The following AKAIN1 variants were observed in gnomAD, a reference collection of about 807,000 sequenced individuals.
AKAIN1 encodes A-kinase anchor inhibitor 1.
A neutral mutation model predicts 3.7 loss-of-function variants in AKAIN1; 3 were observed. The observed-to-expected ratio is 0.82, with a 90% CI of 0.37 to 2.12. AKAIN1 has a LOEUF of 2.12. AKAIN1 is among the 30% of genes most tolerant of loss of function. The probability of loss-of-function intolerance (pLI) is 0.06; values close to 1 mark genes in which losing one functional copy is unlikely to be tolerated. For missense variants in AKAIN1, 82 were observed against 82.7 expected (o/e 0.99, Z 0.03); for synonymous variants, 31 against 30.8 (o/e 1.01, Z -0.02).
At chr18:5,149,215 C>A (rs552136397) in intron 1 of AKAIN1, among the ~76,000 whole-genome samples, 1 of 152,152 alleles carries the variant, frequency 6.6e-6, no homozygotes, top group South Asian at 2.1e-4. Context: ...AAGAGAGCAG[C>A]GAAGCCTGGA....
intron 1 of AKAIN1, among the ~76,000 whole-genome samples, chr18:5,186,064 C>T (rs1310862276): frequency 2.0e-5 from 3 of 152,066 alleles, no homozygotes; most frequent in East Asian, 1.9e-4. Flanking sequence ...GGAGCTGGAG[C>T]TCCATAGATG....
intron 1 of AKAIN1, among the ~76,000 whole-genome samples, chr18:5,175,385 A>T (rs2071220475): frequency 6.6e-6 from 1 of 152,176 alleles, no homozygotes; most frequent in Non-Finnish European, 1.5e-5. Flanking sequence ...CTTGCTTAGA[A>T]CACGAAAAGA....
At chr18:5,187,141 G>A (rs1486378447) in intron 1 of AKAIN1, among the ~76,000 whole-genome samples, 1 of 151,462 alleles carries the variant, frequency 6.6e-6, no homozygotes, top group Non-Finnish European at 1.5e-5. Context: ...AAAAACAAGA[G>A]CAAAACAAAG....
chr18:5,162,033 T>C (rs1353305181), intron 1 of AKAIN1, among the ~76,000 whole-genome samples: 1 of 152,156 alleles, frequency 6.6e-6, no homozygotes, highest in Non-Finnish European at 1.5e-5. Context: ...ATTGATACTG[T>C]AATGGATACT....
chr18:5,157,840 A>G (rs1165590405), intron 1 of AKAIN1, among the ~76,000 whole-genome samples: 1 of 152,026 alleles, frequency 6.6e-6, no homozygotes, highest in Non-Finnish European at 1.5e-5. Context: ...GCATGCTACG[A>G]CCACCAGCTA....
At chr18:5,177,150 C>G (rs1351963988) in intron 1 of AKAIN1, among the ~76,000 whole-genome samples, 1 of 151,944 alleles carries the variant, frequency 6.6e-6, no homozygotes, top group Non-Finnish European at 1.5e-5. Context: ...GCAAAGTGAG[C>G]CTTCAATTAA....
At position 5,144,382 on chromosome 18, in the gene AKAIN1, CTT is replaced by C. The variant is rs2143298593; in HGVS notation, c.*1178_*1179del. On this transcript the variant is annotated 3_prime_UTR_variant, in exon 2 of 2. Coordinates refer to ENST00000434239, the MANE Select transcript of AKAIN1 (RefSeq NM_001145194.2). ...GTCCCCAATAGCACCAATTCAATAA[CTT>C]TTGTGAAGCCCAGGAAATGGGACTG... 6.6e-6 allele frequency among the ~76,000 whole-genome samples: 1 copy of C among 152,298 alleles called. No individual in the cohort carries two copies. The highest frequency in any genetic ancestry group is 6.5e-5 in the Admixed American group (1 of 15,298).
intron 1 of AKAIN1, among the ~76,000 whole-genome samples, chr18:5,178,795 G>A (rs750892014): frequency 2.0e-5 from 3 of 152,084 alleles, no homozygotes; most frequent in Non-Finnish European, 4.4e-5. Flanking sequence ...TATTTTACCA[G>A]CCTGGGTGGT....
chr18:5,165,891 G>A (rs2071165242), intron 1 of AKAIN1, among the ~76,000 whole-genome samples: 1 of 151,984 alleles, frequency 6.6e-6, no homozygotes, highest in Non-Finnish European at 1.5e-5. Flanking sequence ...ACCCACACTG[G>A]GCTGAGAATA....
chr18:5,170,052 T>C (rs1187760412), intron 1 of AKAIN1, among the ~76,000 whole-genome samples: 1 of 152,180 alleles, frequency 6.6e-6, no homozygotes, highest in Non-Finnish European at 1.5e-5. Context: ...ACATTTGGGA[T>C]ATTCAAAAAT....
intron 1 of AKAIN1, among the ~76,000 whole-genome samples, chr18:5,146,761 T>C (rs2071051944): frequency 6.6e-6 from 1 of 152,160 alleles, no homozygotes; most frequent in South Asian, 2.1e-4. Context: ...GAACAACTAC[T>C]CAACTCTGCT....
At chr18:5,164,781 G>A (rs2071158461) in intron 1 of AKAIN1, among the ~76,000 whole-genome samples, 1 of 151,978 alleles carries the variant, frequency 6.6e-6, no homozygotes, top group African/African-American at 2.4e-5. Flanking sequence ...TCTATGCAAA[G>A]GCAGCTCATA....
intron 1 of AKAIN1, among the ~76,000 whole-genome samples, chr18:5,178,863 G>A (rs2071241067): frequency 6.6e-6 from 1 of 152,158 alleles, no homozygotes; most frequent in Admixed American, 6.5e-5. Flanking sequence ...AGCACAGATA[G>A]TAATGGGGTG....
chr18:5,146,713 T>C (rs1185451807), intron 1 of AKAIN1, among the ~76,000 whole-genome samples: 4 of 152,320 alleles, frequency 2.6e-5, no homozygotes, highest in Non-Finnish European at 1.5e-5. Flanking sequence ...AAGAACCAGA[T>C]AGGAGACAGT....
intron 1 of AKAIN1, among the ~76,000 whole-genome samples, chr18:5,196,186 C>A (rs1002175723): frequency 6.6e-6 from 1 of 152,176 alleles, no homozygotes; most frequent in Non-Finnish European, 1.5e-5. Context: ...CAGTCTTTAA[C>A]GAAATCAGAC....
At chr18:5,152,898 A>G (rs2071087427) in intron 1 of AKAIN1, among the ~76,000 whole-genome samples, 1 of 152,160 alleles carries the variant, frequency 6.6e-6, no homozygotes, top group African/African-American at 2.4e-5. Context: ...GGTCCTGGGG[A>G]GGTATCAGAG....
Position 5,197,076 on chromosome 18 carries a change from C to T in AKAIN1, c.-23G>A. On this transcript the variant is annotated 5_prime_UTR_variant, in exon 1 of 2. Coordinates refer to ENST00000434239, the MANE Select transcript of AKAIN1 (RefSeq NM_001145194.2). The surrounding 1 kb of genome is among the most constrained non-coding windows in gnomAD (Gnocchi z 6.9). Reference sequence around the variant, plus strand: ...CATGATTTCTTCCAGCCGCTACGCCCCCAGATTAAGAGAGAAAGACAGGCA... The same window carrying T: ...CATGATTTCTTCCAGCCGCTACGCCTCCAGATTAAGAGAGAAAGACAGGCA... 1 of 1,551,552 alleles carries T rather than the reference C, an allele frequency of 6.4e-7. No homozygotes were observed. Among genetic ancestry groups the T allele is most frequent in the Non-Finnish European group, 8.7e-7 (1 of 1,146,956 alleles).
At chr18:5,160,777 G>A (rs1283992153) in intron 1 of AKAIN1, among the ~76,000 whole-genome samples, 2 of 152,086 alleles carry the variant, frequency 1.3e-5, no homozygotes, top group African/African-American at 4.8e-5. Flanking sequence ...CGTATGAATA[G>A]TGAATTGCCA....
chr18:5,183,791 G>A (rs2071272483), intron 1 of AKAIN1, among the ~76,000 whole-genome samples: 1 of 151,940 alleles, frequency 6.6e-6, no homozygotes, highest in African/African-American at 2.4e-5. Flanking sequence ...TTTTACAATT[G>A]AGCAATAAAT....
Sources: gnomAD v4.1 joint callset for allele counts (sites outside exome capture counted in the v4.1 genomes callset) on GRCh38, gnomAD v4.1.1 for gene constraint, Gnocchi (gnomAD v3.1) non-coding constraint, MANE v1.5 for transcripts, NCBI Gene and HGNC (gene_info 2026-07-23, HGNC 2026-07-21) for gene names.